NKAIN2: variants seen among roughly 807,000 people sequenced by gnomAD.
NKAIN2 encodes the protein sodium/potassium transporting ATPase interacting 2, also known as sodium/potassium-transporting ATPase subunit beta-1-interacting protein 2.
In NKAIN2, 14 loss-of-function variants were observed where a neutral mutation model predicts 32.6. The observed-to-expected ratio is 0.43, with a 90% CI of 0.28 to 0.67. NKAIN2 has a LOEUF of 0.67. Among genes scored for constraint, NKAIN2 ranks in the 30% least tolerant of loss-of-function variants. NKAIN2 has a pLI of 0.17. For missense variants in NKAIN2, 198 were observed against 258.3 expected (o/e 0.77, Z 1.60); for synonymous variants, 80 against 87.2 (o/e 0.92, Z 0.46).
intron 3 of NKAIN2, among the ~76,000 whole-genome samples, chr6:124,585,267 A>C (rs936099648): frequency 2.0e-5 from 3 of 152,176 alleles, no homozygotes; most frequent in African/African-American, 4.8e-5. Flanking sequence ...AAACAATTGC[A>C]CTCATGGGGA....
intron 1 of NKAIN2, among the ~76,000 whole-genome samples, chr6:124,182,107 T>G (rs1445452950): frequency 6.6e-6 from 1 of 152,166 alleles, no homozygotes; most frequent in Non-Finnish European, 1.5e-5. Flanking sequence ...AGCAAAGGCA[T>G]GTCTTACTTG....
At chr6:123,809,364 A>C (rs1773355992) in intron 1 of NKAIN2, among the ~76,000 whole-genome samples, 3 of 152,224 alleles carry the variant, frequency 2.0e-5, no homozygotes, top group African/African-American at 7.2e-5. Flanking sequence ...ATGATAGAAT[A>C]AGTACTCTAT....
chr6:123,900,402 G>A (rs1774505304), intron 1 of NKAIN2, among the ~76,000 whole-genome samples: 2 of 151,866 alleles, frequency 1.3e-5, no homozygotes, highest in African/African-American at 2.4e-5. Flanking sequence ...GAACCCGGGA[G>A]GCGGAGGTTG....
chr6:123,944,941 G>A (rs970868647), intron 1 of NKAIN2, among the ~76,000 whole-genome samples: 5 of 151,834 alleles, frequency 3.3e-5, no homozygotes, highest in Admixed American at 2.0e-4. Flanking sequence ...AAACCATCAC[G>A]TTACCCACCC....
chr6:124,290,510 A>ATATG, intron 2 of NKAIN2, among the ~76,000 whole-genome samples: 1 of 137,874 alleles, frequency 7.3e-6, no homozygotes, highest in Non-Finnish European at 1.6e-5. Flanking sequence ...TACCTCAGAA[A>ATATG]TGTGTGTGTG....
chr6:124,738,994 G>A (rs949405392), intron 4 of NKAIN2, among the ~76,000 whole-genome samples: 8 of 151,832 alleles, frequency 5.3e-5, no homozygotes, highest in East Asian at 1.9e-4. Context: ...CTATAAGTGT[G>A]TTTAATATAT....
At chr6:124,209,280 G>C (rs1791051021) in intron 1 of NKAIN2, among the ~76,000 whole-genome samples, 1 of 151,720 alleles carries the variant, frequency 6.6e-6, no homozygotes, top group South Asian at 2.1e-4. Context: ...TTCCATCCAT[G>C]TTGTTGCAAA....
intron 1 of NKAIN2, among the ~76,000 whole-genome samples, chr6:124,129,535 G>A (rs2115003100): frequency 6.6e-6 from 1 of 152,276 alleles, no homozygotes; most frequent in East Asian, 1.9e-4. Context: ...CTCAGTTGAA[G>A]ATTTAGAGTT....
Position 123,900,532 on chromosome 6 carries a change from G to GTTTTTTTTTTTTT in NKAIN2, c.54+96303_54+96315dup. Among the ~76,000 whole-genome samples, 202 of 32,772 alleles carry GTTTTTTTTTTTTT rather than the reference G, an allele frequency of 6.2e-3. 77 individuals are homozygous for GTTTTTTTTTTTTT. The highest frequency in any genetic ancestry group is 0.014 in the Non-Finnish European group (127 of 8,916). 21.5% of individuals were successfully genotyped at this position (32,772 alleles called of 152,430 possible). A position where few individuals can be genotyped will look rare whatever the true frequency, so the allele number is the denominator to read the frequency against. ...GGCAAGGTTTTCTGTCTCCAGATTA[G>GTTTTTTTTTTTTT]TTTTTTTTTTTTTTTTTTTTTTTTT... On this transcript the variant is annotated intron_variant, in intron 1 of 6. Transcript: ENST00000368417.
chr6:124,125,576 A>C (rs1401812012), intron 1 of NKAIN2, among the ~76,000 whole-genome samples: 3 of 152,202 alleles, frequency 2.0e-5, no homozygotes, highest in Non-Finnish European at 2.9e-5. Flanking sequence ...TGAATAAAAA[A>C]CAGCATTCTA....
chr6:124,675,227 C>T (rs1215177848), intron 4 of NKAIN2, among the ~76,000 whole-genome samples: 1 of 151,828 alleles, frequency 6.6e-6, no homozygotes, highest in Admixed American at 6.6e-5. Flanking sequence ...TTGATTATAG[C>T]CTATGGTCCT....
chr6:124,432,527 G>T (rs1259315634), intron 3 of NKAIN2, among the ~76,000 whole-genome samples: 2 of 152,130 alleles, frequency 1.3e-5, no homozygotes, highest in Admixed American at 6.5e-5. Context: ...AGGATCACTT[G>T]AGCCTGGAAG....
intron 3 of NKAIN2, among the ~76,000 whole-genome samples, chr6:124,654,969 C>T (rs1213619382): frequency 6.6e-6 from 1 of 151,994 alleles, no homozygotes; most frequent in African/African-American, 2.4e-5. Context: ...GTTATGGCAG[C>T]CCTAGCAAAC....
At chr6:124,174,217 A>G (rs74568667) in intron 1 of NKAIN2, among the ~76,000 whole-genome samples, 8,507 of 152,166 alleles carry the variant, frequency 0.056, 434 homozygotes, top group African/African-American at 0.12. Context: ...ACCAAACAGC[A>G]GTAGTTAGAA....
At chr6:124,386,470 A>G (rs1181356115) in intron 3 of NKAIN2, among the ~76,000 whole-genome samples, 1 of 152,160 alleles carries the variant, frequency 6.6e-6, no homozygotes, top group African/African-American at 2.4e-5. Context: ...TCATACTGCT[A>G]AAGCTAAAGT....
intron 5 of NKAIN2, among the ~76,000 whole-genome samples, chr6:124,800,262 T>C (rs759929237): frequency 3.3e-5 from 5 of 152,126 alleles, no homozygotes; most frequent in Non-Finnish European, 5.9e-5. Flanking sequence ...GTCTCCTTCT[T>C]AACAGCAGGA....
At chr6:124,174,410 G>T (rs1189705391) in intron 1 of NKAIN2, among the ~76,000 whole-genome samples, 1 of 152,072 alleles carries the variant, frequency 6.6e-6, no homozygotes, top group Non-Finnish European at 1.5e-5. Context: ...AAGATAAAAA[G>T]GTCACAATCT....
chr6:124,271,541 C>A (rs1320921374), intron 1 of NKAIN2, among the ~76,000 whole-genome samples: 4 of 152,126 alleles, frequency 2.6e-5, no homozygotes, highest in African/African-American at 4.8e-5. Flanking sequence ...TACAAATTAC[C>A]CAGTCTCAGA....
intron 4 of NKAIN2, among the ~76,000 whole-genome samples, chr6:124,708,553 T>C (rs1405313810): frequency 1.3e-5 from 2 of 152,040 alleles, no homozygotes; most frequent in African/African-American, 4.8e-5. Context: ...GAAGAGGTCC[T>C]TCACATCCCT....
Sources: gnomAD v4.1 joint callset for allele counts (sites outside exome capture counted in the v4.1 genomes callset) on GRCh38, gnomAD v4.1.1 for gene constraint, MANE v1.5 for transcripts, NCBI Gene and HGNC (gene_info 2026-07-23, HGNC 2026-07-21) for gene names.